Variants in MTURN observed in about 807,000 individuals in gnomAD.
MTURN encodes the protein maturin, neural progenitor differentiation regulator homolog, also known as maturin.
A neutral mutation model predicts 14.9 loss-of-function variants in MTURN; 7 were observed. That is an observed-to-expected ratio of 0.47 (90% CI 0.27 to 0.88). The LOEUF (loss-of-function observed/expected upper bound fraction) is 0.88, where lower values mean the gene tolerates loss of function less well. MTURN is among the 40% of genes least tolerant of loss of function. MTURN has a pLI of 0.14. For synonymous variants in MTURN, 69 were observed against 72.5 expected (o/e 0.95, Z 0.25); for missense variants, 151 against 174.1 (o/e 0.87, Z 0.75).
chr7:30,135,295 T>G lies in MTURN; in HGVS notation c.159T>G (p.Asn53Lys), dbSNP rs1796928120. 1.3e-6 allele frequency: 2 copies of G among 1,520,672 alleles called. No individual in the cohort carries two copies. The highest frequency in any genetic ancestry group is 1.8e-6 in the Non-Finnish European group (2 of 1,133,410). The allele number at this position is 1,520,672 out of a possible 1,614,324, so 94.2% of individuals were successfully genotyped here. ...VLCPDNGCGD[N>K]FHVWSESEDC... ...GTCCGGACAACGGCTGCGGCGACAA[T>G]TTTGTGAGTGCCTGGAGGAGGGACC... Residue 53 changes from asparagine to lysine, a missense_variant, in exon 1 of 3, where the codon AAT becomes AAG. Coordinates refer to ENST00000324453, the MANE Select transcript of MTURN (RefSeq NM_152793.3).
chr7:30,140,291 CCCT>C (rs1797028890), intron 1 of MTURN, among the ~76,000 whole-genome samples: 1 of 151,972 alleles, frequency 6.6e-6, no homozygotes, highest in African/African-American at 2.4e-5. Flanking sequence ...ATAGTTTAAT[CCCT>C]CCTCAGCACA....
At chr7:30,156,948 A>G (rs555161547) in intron 2 of MTURN, among the ~76,000 whole-genome samples, 23 of 152,340 alleles carry the variant, frequency 1.5e-4, no homozygotes, top group Non-Finnish European at 3.4e-4. Context: ...ATAAGATTCC[A>G]TTTCAATAAC....
chr7:30,139,084 G>T (rs1055320364), intron 1 of MTURN, among the ~76,000 whole-genome samples: 2 of 152,176 alleles, frequency 1.3e-5, no homozygotes, highest in Non-Finnish European at 1.5e-5. Flanking sequence ...CAGAGGCCTT[G>T]TCTGTGTTAT....
intron 1 of MTURN, among the ~76,000 whole-genome samples, chr7:30,141,724 C>G (rs1797055881): frequency 6.6e-6 from 1 of 152,126 alleles, no homozygotes; most frequent in African/African-American, 2.4e-5. Flanking sequence ...GAGTCTTGCT[C>G]TGTTGACCAG....
rs149120895 is a variant in MTURN, at chr7:30,144,072, G to A, written c.163-2105G>A. ...TGTGACCATAGCCTTGTGGCAGATG[G>A]TAAGCCCACCCCTTCCCCTCTGTCT... On this transcript the variant is annotated intron_variant, in intron 1 of 2. Transcript: ENST00000324453. Among the ~76,000 whole-genome samples, 463 of 152,316 alleles carry A rather than the reference G, an allele frequency of 3.0e-3. 3 individuals are homozygous for A. The highest frequency in any genetic ancestry group is 5.4e-3 in the Admixed American group (82 of 15,308).
chr7:30,144,762 G>A (rs1797104062), intron 1 of MTURN, among the ~76,000 whole-genome samples: 1 of 152,120 alleles, frequency 6.6e-6, no homozygotes, highest in African/African-American at 2.4e-5. Flanking sequence ...CAGAAACCCT[G>A]CAATGAGAAG....
intron 1 of MTURN, chr7:30,145,872 G>T: frequency 6.4e-7 from 1 of 1,551,468 alleles, no homozygotes; most frequent in South Asian, 1.2e-5. Flanking sequence ...TGCACAAGGT[G>T]AACAGTGGAA....
rs1486193941 is a variant in MTURN, at chr7:30,162,202, CAGAA to C, written c.*4657_*4660del. The stretch of plus-strand genomic sequence containing the variant: ...TGTATTCAAGTTGTTTGATACCAGA[CAGAA>C]AGCTGACAGTCTGTTCTTTGTAAAC... On this transcript the variant is annotated 3_prime_UTR_variant, in exon 3 of 3. Coordinates refer to ENST00000324453, the MANE Select transcript of MTURN (RefSeq NM_152793.3). The C allele has an allele frequency of 6.6e-6, 1 of 152,176 alleles. No homozygotes were observed. Among genetic ancestry groups the C allele is most frequent in the Non-Finnish European group, 1.5e-5 (1 of 68,032 alleles). 9.4% of individuals were successfully genotyped at this position (152,176 alleles called of 1,614,324 possible).
At position 30,159,671 on chromosome 7, in the gene MTURN, A is replaced by G. The variant is rs965626806; in HGVS notation, c.*2123A>G. 6.5e-6 allele frequency: 1 copy of G among 152,674 alleles called. No homozygotes were observed. Among genetic ancestry groups the G allele is most frequent in the Non-Finnish European group, 1.5e-5 (1 of 68,044 alleles). 9.5% of individuals were successfully genotyped at this position (152,674 alleles called of 1,614,324 possible). On this transcript the variant is annotated 3_prime_UTR_variant, in exon 3 of 3. Transcript: ENST00000324453. Reference sequence around the variant, plus strand: ...CTGGGCTTTGTTTTGCACCAGGGGTAGGAAACAGAGAACATGTCTGTATGT... The same window carrying G: ...CTGGGCTTTGTTTTGCACCAGGGGTGGGAAACAGAGAACATGTCTGTATGT...
At chr7:30,155,744 C>A (rs1349457931) in intron 2 of MTURN, among the ~76,000 whole-genome samples, 7 of 152,178 alleles carry the variant, frequency 4.6e-5, no homozygotes, top group African/African-American at 1.7e-4. Context: ...ATGATTTTGT[C>A]CTGAATGTGT....
chr7:30,154,506 G>T (rs1562571214), intron 2 of MTURN, among the ~76,000 whole-genome samples: 1 of 152,116 alleles, frequency 6.6e-6, no homozygotes, highest in Non-Finnish European at 1.5e-5. Context: ...GTTACATAAG[G>T]CTCCATAGTT....
chr7:30,144,927 A>AC (rs1302172429), intron 1 of MTURN, among the ~76,000 whole-genome samples: 7 of 87,862 alleles, frequency 8.0e-5, no homozygotes, highest in Non-Finnish European at 4.7e-5. Flanking sequence ...AGACCTCAAT[A>AC]CTTTTTTTTT....
intron 2 of MTURN, among the ~76,000 whole-genome samples, chr7:30,150,646 G>T (rs907654503): frequency 6.6e-6 from 1 of 152,212 alleles, no homozygotes. Context: ...GAGTATCAGT[G>T]TGAGCAGGCT....
chr7:30,157,322 A>T, intron 2 of MTURN, 116 bp from the exon 3 acceptor site: 1 of 663,460 alleles, frequency 1.5e-6, no homozygotes, highest in Non-Finnish European at 2.4e-6. Context: ...TTGACGGGGA[A>T]GTCTGCAGCT....
intron 1 of MTURN, chr7:30,141,554 C>T (rs574366905): frequency 1.3e-5 from 2 of 152,164 alleles, no homozygotes; most frequent in African/African-American, 4.8e-5. Flanking sequence ...GAAACAGGGT[C>T]TCACTCTTGC....
chr7:30,150,620 G>A (rs559349994), intron 2 of MTURN, among the ~76,000 whole-genome samples: 17 of 152,290 alleles, frequency 1.1e-4, no homozygotes, highest in South Asian at 6.2e-4. Context: ...GGCTTCCAGC[G>A]TATTCGAAGG....
chr7:30,135,420 G>T (rs1222869057), intron 1 of MTURN, 122 bp downstream of exon 1: 2 of 783,232 alleles, frequency 2.6e-6, no homozygotes, highest in Non-Finnish European at 1.6e-6. Context: ...CGTAACCCGC[G>T]CCCCGCGCCC....
At chr7:30,153,560 G>T (rs527796514) in intron 2 of MTURN, among the ~76,000 whole-genome samples, 1 of 152,046 alleles carries the variant, frequency 6.6e-6, no homozygotes, top group African/African-American at 2.4e-5. Flanking sequence ...CCACTTACTG[G>T]GTGACTCTAG....
intron 1 of MTURN, chr7:30,137,662 C>T (rs6954379): frequency 0.33 from 153,179 of 470,778 alleles, 26,608 homozygotes; most frequent in African/African-American, 0.51. Flanking sequence ...GGGAGTTTTC[C>T]TAGCCGGACC....
Sources: allele counts gnomAD v4.1 joint callset (sites outside exome capture counted in the v4.1 genomes callset), GRCh38; gene constraint gnomAD v4.1.1; transcripts MANE v1.5; gene names NCBI Gene and HGNC (gene_info 2026-07-23, HGNC 2026-07-21).